The following TTC12 variants were observed in gnomAD, a reference collection of about 807,000 sequenced individuals.
TTC12 encodes tetratricopeptide repeat protein 12.
A neutral mutation model predicts 90.1 loss-of-function variants in TTC12; 70 were observed. That is an observed-to-expected ratio of 0.78 (90% CI 0.64 to 0.95). The LOEUF (loss-of-function observed/expected upper bound fraction) is 0.95. Ranked by LOEUF, TTC12 falls within the 40% of genes least tolerant of loss-of-function variation. The pLI is 0.00. For synonymous variants in TTC12, 296 were observed against 311.5 expected (o/e 0.95, Z 0.53); for missense variants, 819 against 846.1 (o/e 0.97, Z 0.40).
At chr11:113,351,600 G>A (rs568528418) in intron 15 of TTC12, among the ~76,000 whole-genome samples, 1 of 152,298 alleles carries the variant, frequency 6.6e-6, no homozygotes, top group Non-Finnish European at 1.5e-5. Context: ...AGTACGACGT[G>A]CAACCCTATT....
At chr11:113,318,356 T>C (rs928995348) in intron 2 of TTC12, among the ~76,000 whole-genome samples, 1 of 152,236 alleles carries the variant, frequency 6.6e-6, no homozygotes, top group Non-Finnish European at 1.5e-5. Flanking sequence ...CTTAGAGTTC[T>C]GGAGTTTAGA....
At chr11:113,337,725 C>T (rs1389611324) in intron 8 of TTC12, among the ~76,000 whole-genome samples, 4 of 152,050 alleles carry the variant, frequency 2.6e-5, no homozygotes, top group East Asian at 1.9e-4. Context: ...ACTGCCATGC[C>T]GAGCATGTGT....
chr11:113,344,561 C>A, intron 13 of TTC12, 121 bp downstream of exon 13: 1 of 1,071,984 alleles, frequency 9.3e-7, no homozygotes, highest in Non-Finnish European at 1.3e-6. Context: ...ACAGAAAGAG[C>A]CTTTGACAAG....
chr11:113,356,379 G>A (rs1304999789), intron 16 of TTC12, among the ~76,000 whole-genome samples: 4 of 152,136 alleles, frequency 2.6e-5, no homozygotes, highest in Admixed American at 2.6e-4. Flanking sequence ...AGTGGATCGT[G>A]GTTCTTTGTC....
At chr11:113,365,152 G>C in intron 21 of TTC12, 92 bp downstream of exon 21, 1 of 1,132,020 alleles carries the variant, frequency 8.8e-7, no homozygotes, top group Non-Finnish European at 1.3e-6. Flanking sequence ...ATGCCACACA[G>C]AACAGTGTGG....
chr11:113,342,406 G>A (rs1948732375), intron 12 of TTC12, among the ~76,000 whole-genome samples: 1 of 152,082 alleles, frequency 6.6e-6, no homozygotes, highest in South Asian at 2.1e-4. Flanking sequence ...TCAAATATTT[G>A]CATCTTCCAG....
At chr11:113,357,534 TG>T (rs1555152915) in intron 16 of TTC12, among the ~76,000 whole-genome samples, 1 of 152,240 alleles carries the variant, frequency 6.6e-6, no homozygotes, top group Admixed American at 6.5e-5. Flanking sequence ...GTTTATCATG[TG>T]GATTCTTTCT....
chr11:113,352,967 C>A (rs1949396821), intron 16 of TTC12, among the ~76,000 whole-genome samples: 1 of 152,002 alleles, frequency 6.6e-6, no homozygotes. Context: ...GGGTATATAC[C>A]CATTAATGGG....
At position 113,366,349 on chromosome 11, in the gene TTC12, G is replaced by A. The variant is rs772024017; in HGVS notation, c.*49G>A. On this transcript the variant is annotated 3_prime_UTR_variant, in exon 22 of 22. Transcript: ENST00000529221. ...TGGGGAACACACAGATGCACACCGT[G>A]TGTTGTTCCTATGCTAATAAAGACC... 1.6e-5 allele frequency: 26 copies of A among 1,609,326 alleles called. No homozygotes were observed. The highest frequency in any genetic ancestry group is 2.1e-5 in the Non-Finnish European group (25 of 1,179,472).
At chr11:113,325,002 AGCCT>A (rs1947598948) in intron 5 of TTC12, among the ~76,000 whole-genome samples, 1 of 152,194 alleles carries the variant, frequency 6.6e-6, no homozygotes, top group Non-Finnish European at 1.5e-5. Context: ...GCCACTGGCT[AGCCT>A]AAGGCATAGA....
intron 20 of TTC12, 101 bp downstream of exon 20, chr11:113,364,028 T>C (rs1474043987): frequency 2.7e-6 from 2 of 736,712 alleles, no homozygotes; most frequent in African/African-American, 3.5e-5. Context: ...GCAGCAATGC[T>C]GTTAACCTCT....
At chr11:113,338,649 C>T (rs1555144824) in intron 8 of TTC12, 125 bp from the exon 9 acceptor site, 1 of 672,470 alleles carries the variant, frequency 1.5e-6, no homozygotes, top group East Asian at 2.8e-5. Context: ...TGCCTGTCTC[C>T]TGCACTGGGA....
At chr11:113,318,903 A>T (rs1555137006) in intron 2 of TTC12, among the ~76,000 whole-genome samples, 1 of 152,206 alleles carries the variant, frequency 6.6e-6, no homozygotes, top group African/African-American at 2.4e-5. Context: ...AACCATGGTA[A>T]GGAATTTGTG....
At chr11:113,372,271 T>G (rs1950406184) in intron 21 of TTC12, among the ~76,000 whole-genome samples, 1 of 152,172 alleles carries the variant, frequency 6.6e-6, no homozygotes, top group Non-Finnish European at 1.5e-5. Context: ...AAAAGACAGG[T>G]GCTGGATTTA....
intron 13 of TTC12, among the ~76,000 whole-genome samples, chr11:113,345,954 C>A (rs1414213785): frequency 2.0e-5 from 3 of 152,100 alleles, no homozygotes; most frequent in Non-Finnish European, 4.4e-5. Flanking sequence ...AGAGAAACCT[C>A]AGCTTTTTAC....
At chr11:113,366,610 G>A (rs547456047), downstream of TTC12, among the ~76,000 whole-genome samples, 20 of 152,328 alleles carry the variant, frequency 1.3e-4, 1 homozygote, top group African/African-American at 3.6e-4. Flanking sequence ...ATTCTAGATG[G>A]GAACTAGTGG....
At chr11:113,370,183 G>A (rs1457029736), downstream of TTC12, among the ~76,000 whole-genome samples, 2 of 152,218 alleles carry the variant, frequency 1.3e-5, no homozygotes, top group Non-Finnish European at 2.9e-5. Flanking sequence ...GTGTGAAGTG[G>A]AAGGTGCTAG....
downstream of TTC12, chr11:113,366,417 G>A (rs938733014): frequency 4.8e-5 from 74 of 1,534,002 alleles, no homozygotes; most frequent in Non-Finnish European, 6.5e-5. Flanking sequence ...TTTTTAGAGT[G>A]TTTGCATTTC....
chr11:113,339,676 C>T (rs1172300624), intron 10 of TTC12: 5 of 511,412 alleles, frequency 9.8e-6, no homozygotes, highest in African/African-American at 9.4e-5. Context: ...CATGCGTACA[C>T]TCAGCACACA....
Sources: allele counts gnomAD v4.1 joint callset (sites outside exome capture counted in the v4.1 genomes callset), GRCh38; gene constraint gnomAD v4.1.1; transcripts MANE v1.5; gene names NCBI Gene and HGNC (gene_info 2026-07-23, HGNC 2026-07-21).